Variants in RBFOX1 observed in about 807,000 individuals in gnomAD.
The protein encoded by RBFOX1 is RNA binding fox-1 homolog 1.
A neutral mutation model predicts 57.7 loss-of-function variants in RBFOX1; 8 were observed. The ratio of observed to expected loss-of-function variants is 0.14; its 90% CI spans 0.08 to 0.25. The LOEUF is 0.25. Ranked by LOEUF, RBFOX1 falls within the 10% of genes least tolerant of loss-of-function variation. RBFOX1 has a pLI of 1.00. For missense variants in RBFOX1, 611 were observed against 548.5 expected, an observed-to-expected ratio of 1.11 and a Z score of -1.14; for synonymous variants, 326 against 222.4, an observed-to-expected ratio of 1.47 and a Z score of -4.15.
intron 4 of RBFOX1, among the ~76,000 whole-genome samples, chr16:7,346,809 T>C (rs909622212): frequency 6.6e-6 from 1 of 152,190 alleles, no homozygotes; most frequent in Non-Finnish European, 1.5e-5. Flanking sequence ...TCCACCATTC[T>C]GAATCTCAAG....
chr16:7,163,473 C>G (rs979064808), intron 4 of RBFOX1, among the ~76,000 whole-genome samples: 1 of 152,112 alleles, frequency 6.6e-6, no homozygotes, highest in Non-Finnish European at 1.5e-5. Flanking sequence ...CCTTCACCCT[C>G]TGATCTGCCC....
At chr16:6,023,878 T>G (rs1430170225) in intron 1 of RBFOX1, among the ~76,000 whole-genome samples, 1 of 152,178 alleles carries the variant, frequency 6.6e-6, no homozygotes, top group Admixed American at 6.5e-5. Flanking sequence ...AAATACTGCC[T>G]CGAGGCACAG....
chr16:7,491,742 TG>T (rs1271234018), intron 4 of RBFOX1, among the ~76,000 whole-genome samples: 1 of 152,172 alleles, frequency 6.6e-6, no homozygotes. Flanking sequence ...GCAATCCTCC[TG>T]CTTCAGCCCC....
chr16:6,685,059 A>C (rs1399965321), intron 3 of RBFOX1, among the ~76,000 whole-genome samples: 1 of 152,152 alleles, frequency 6.6e-6, no homozygotes, highest in African/African-American at 2.4e-5. Context: ...CTGAAAATTT[A>C]CAGGTGAAAT....
chr16:5,433,769 G>A (rs978134034), intron 1 of RBFOX1, among the ~76,000 whole-genome samples: 1 of 152,158 alleles, frequency 6.6e-6, no homozygotes, highest in African/African-American at 2.4e-5. Flanking sequence ...AGCGTAAGGT[G>A]TCAGGCCCTT....
At chr16:5,862,308 C>T (rs985746626) in intron 3 of RBFOX1, among the ~76,000 whole-genome samples, 1 of 152,164 alleles carries the variant, frequency 6.6e-6, no homozygotes, top group African/African-American at 2.4e-5. Flanking sequence ...AAAGCCTTCC[C>T]GGTCCGGCAC....
chr16:6,916,743 C>T (rs1265027944), intron 3 of RBFOX1, among the ~76,000 whole-genome samples: 1 of 152,160 alleles, frequency 6.6e-6, no homozygotes, highest in Non-Finnish European at 1.5e-5. Context: ...CGGATTACTT[C>T]CAGCTTTTTT....
chr16:6,506,818 T>G (rs1458755737), intron 2 of RBFOX1, among the ~76,000 whole-genome samples: 6 of 152,054 alleles, frequency 3.9e-5, no homozygotes, highest in African/African-American at 1.5e-4. Context: ...GGCTATTTTC[T>G]GTAATTTTTA....
intron 4 of RBFOX1, among the ~76,000 whole-genome samples, chr16:5,976,634 C>T (rs1355970110): frequency 6.6e-5 from 10 of 152,114 alleles, no homozygotes; most frequent in Admixed American, 3.9e-4. Context: ...TTTGGGAGGC[C>T]GAGGTAGACA....
intron 1 of RBFOX1, among the ~76,000 whole-genome samples, chr16:5,329,282 C>T (rs1446027568): frequency 6.6e-6 from 1 of 152,156 alleles, no homozygotes; most frequent in Admixed American, 6.5e-5. Context: ...GGAAGCATGA[C>T]TGGGGAGACC....
intron 1 of RBFOX1, among the ~76,000 whole-genome samples, chr16:6,133,000 G>T (rs1268478471): frequency 6.7e-6 from 1 of 149,214 alleles, no homozygotes. Flanking sequence ...AAAGACTATT[G>T]CTTTTCAAAA....
chr16:6,526,201 G>A (rs544191376), intron 2 of RBFOX1, among the ~76,000 whole-genome samples: 3 of 152,244 alleles, frequency 2.0e-5, no homozygotes, highest in Admixed American at 1.3e-4. Flanking sequence ...GAATTAATTC[G>A]AGTGTTTAAA....
chr16:5,668,132 T>C (rs2049905474), intron 3 of RBFOX1, among the ~76,000 whole-genome samples: 1 of 152,078 alleles, frequency 6.6e-6, no homozygotes, highest in Non-Finnish European at 1.5e-5. Context: ...AATACAAAAA[T>C]TAGCTAGGCA....
intron 2 of RBFOX1, among the ~76,000 whole-genome samples, chr16:6,646,046 C>T (rs1296704147): frequency 6.6e-6 from 1 of 151,926 alleles, no homozygotes; most frequent in Non-Finnish European, 1.5e-5. Flanking sequence ...TGCCTTCTGT[C>T]GGGAAATTGA....
intron 1 of RBFOX1, among the ~76,000 whole-genome samples, chr16:5,295,550 A>G (rs2151185053): frequency 6.6e-6 from 1 of 152,274 alleles, no homozygotes; most frequent in South Asian, 2.1e-4. Flanking sequence ...GGTTGTTGGC[A>G]GCATTCAGTT....
At chr16:6,672,846 C>T (rs990295402) in intron 3 of RBFOX1, among the ~76,000 whole-genome samples, 2 of 152,146 alleles carry the variant, frequency 1.3e-5, no homozygotes, top group Non-Finnish European at 2.9e-5. Context: ...TTAGGTGGAC[C>T]TATCTCTGAT....
intron 5 of RBFOX1, among the ~76,000 whole-genome samples, chr16:7,528,383 A>G (rs1185703042): frequency 6.6e-6 from 1 of 152,200 alleles, no homozygotes; most frequent in African/African-American, 2.4e-5. Context: ...TCCTTTCTGT[A>G]GCTCATAGAG....
chr16:6,889,334 C>G (rs533622044), intron 3 of RBFOX1, among the ~76,000 whole-genome samples: 49 of 152,276 alleles, frequency 3.2e-4, no homozygotes, highest in African/African-American at 1.2e-3. Flanking sequence ...GGAAAATTTA[C>G]GAGTATGCAT....
At chr16:7,510,502 T>TGTGA (rs1322534614) in intron 4 of RBFOX1, among the ~76,000 whole-genome samples, 3 of 151,114 alleles carry the variant, frequency 2.0e-5, no homozygotes, top group Admixed American at 6.6e-5. Context: ...TGTGTGTGTG[T>TGTGA]GTGTGTGTGG....
Sources: gnomAD v4.1 joint callset for allele counts (sites outside exome capture counted in the v4.1 genomes callset) on GRCh38, gnomAD v4.1.1 for gene constraint, MANE v1.5 for transcripts, NCBI Gene and HGNC (gene_info 2026-07-23, HGNC 2026-07-21) for gene names.